Variants in FGF13 observed in about 807,000 individuals in gnomAD.
FGF13 encodes fibroblast growth factor homologous factor 2.
FGF13 carries 2 observed loss-of-function variants against 19.5 expected under a neutral mutation model. That is an observed-to-expected ratio of 0.10 (90% CI 0.04 to 0.32). FGF13 has a LOEUF of 0.32. Among genes scored for constraint, FGF13 ranks in the 10% least tolerant of loss-of-function variants. The pLI, the probability that FGF13 is intolerant of heterozygous loss-of-function variation, is 1.00. For missense variants in FGF13, 113 were observed against 192.7 expected (o/e 0.59, Z 2.45); for synonymous variants, 72 against 76.9 (o/e 0.94, Z 0.33).
intron 3 of FGF13, among the ~76,000 whole-genome samples, chrX:138,692,350 T>C (rs189166827): frequency 1.0e-4 from 11 of 109,827 alleles, no homozygotes; most frequent in African/African-American, 3.6e-4. Flanking sequence ...ACTATTTCAA[T>C]GCACAAGGTT....
chrX:138,904,670 G>C (rs1459936035), intron 1 of FGF13, among the ~76,000 whole-genome samples: 2 of 111,446 alleles, frequency 1.8e-5, no homozygotes, highest in Non-Finnish European at 3.8e-5. Context: ...AAGTTGCTTG[G>C]CCTGTGGTAG....
chrX:138,909,659 G>A (rs1427042977), intron 1 of FGF13, among the ~76,000 whole-genome samples: 1 of 111,734 alleles, frequency 8.9e-6, no homozygotes, highest in Non-Finnish European at 1.9e-5. Context: ...AAGAGCAGCG[G>A]GATTACTAAT....
chrX:139,064,281 CTTTTTTTT>C (rs139084376), intron 1 of FGF13, among the ~76,000 whole-genome samples: 1 of 23,159 alleles, frequency 4.3e-5, no homozygotes, highest in African/African-American at 2.2e-4. Context: ...CTTTTTTTTT[CTTTTTTTT>C]TTTTTTTTTT....
In FGF13 at chrX:139,195,281, C is replaced by T. The variant is rs148029012; in HGVS notation, c.-113+8135G>A. 3.4e-3 allele frequency among the ~76,000 whole-genome samples: 379 copies of T among 111,414 alleles called. 1 individual carries two copies. Among genetic ancestry groups the T allele is most frequent in the African/African-American group, 0.011 (348 of 30,563 alleles). ...ATGGCTCACATTGTTCCCAGAGCTC[C>T]GAAAATCACTCACAAATTCAAGAGC... is the stretch of plus-strand genomic sequence containing the variant. On this transcript the variant is annotated intron_variant, in intron 1 of 2. Coordinates refer to the FGF13 transcript ENST00000421460.
At chrX:138,655,908 C>T (rs963295878) in intron 3 of FGF13, among the ~76,000 whole-genome samples, 3 of 111,341 alleles carry the variant, frequency 2.7e-5, no homozygotes, top group African/African-American at 9.8e-5. Context: ...TTGGGGACTT[C>T]TCTGTAGGAA....
chrX:138,790,071 CA>C (rs1486478675), intron 3 of FGF13, among the ~76,000 whole-genome samples: 20 of 66,949 alleles, frequency 3.0e-4, no homozygotes, highest in African/African-American at 1.1e-3. Context: ...AAAAAAAAAA[CA>C]AACACACACA....
At chrX:138,828,384 C>A (rs1185328916) in intron 3 of FGF13, among the ~76,000 whole-genome samples, 2 of 109,470 alleles carry the variant, frequency 1.8e-5, no homozygotes, top group African/African-American at 6.6e-5. Flanking sequence ...CTGGCTAACA[C>A]GGTGAAACCC....
At chrX:139,005,197 C>A (rs1373105337) in intron 1 of FGF13, among the ~76,000 whole-genome samples, 1 of 53,208 alleles carries the variant, frequency 1.9e-5, no homozygotes, top group Non-Finnish European at 4.6e-5. Context: ...GTCACTGCCC[C>A]CCCCCCCCCC....
intron 1 of FGF13, among the ~76,000 whole-genome samples, chrX:139,100,298 T>C: frequency 9.1e-6 from 1 of 110,173 alleles, no homozygotes; most frequent in East Asian, 2.9e-4. Flanking sequence ...CTATCAAATA[T>C]GTACCTCAGG....
At chrX:138,697,304 G>A (rs1313517187) in intron 3 of FGF13, among the ~76,000 whole-genome samples, 7 of 110,827 alleles carry the variant, frequency 6.3e-5, no homozygotes, top group Non-Finnish European at 9.4e-5. Context: ...GAGAAGAAAC[G>A]GTAAATTTAA....
intron 1 of FGF13, among the ~76,000 whole-genome samples, chrX:139,047,508 A>T (rs1229636744): frequency 4.5e-5 from 5 of 111,316 alleles, no homozygotes; most frequent in Non-Finnish European, 7.5e-5. Context: ...ACTAACTCGT[A>T]TACTCTCTTA....
intron 1 of FGF13, among the ~76,000 whole-genome samples, chrX:138,882,075 T>A (rs1165654999): frequency 9.0e-6 from 1 of 111,105 alleles, no homozygotes; most frequent in Non-Finnish European, 1.9e-5. Flanking sequence ...CTTTGCTATA[T>A]CCCATAAGTT....
intron 3 of FGF13, among the ~76,000 whole-genome samples, chrX:138,777,419 A>G (rs2090596295): frequency 8.9e-6 from 1 of 111,797 alleles, no homozygotes; most frequent in Non-Finnish European, 1.9e-5. Flanking sequence ...GGAAACAGCA[A>G]CCAGGGGATT....
Position 138,615,179 on chromosome X carries a change from GCA to G in FGF13, c.*17669_*17670del, listed in dbSNP as rs767084452. 3.7e-5 allele frequency: 4 copies of G among 108,777 alleles called. No individual in the cohort carries two copies. The highest frequency in any genetic ancestry group is 3.0e-4 in the Admixed American group (3 of 10,140). 9.0% of individuals were successfully genotyped at this position (108,777 alleles called of 1,213,427 possible). On this transcript the variant is annotated 3_prime_UTR_variant, in exon 5 of 5. Transcript: ENST00000315930. ...TAGACCTACACACATAAACGTGCACGCACACACACACACACATACAAATTAGT... is the reference window on the plus strand; with the variant it reads ...TAGACCTACACACATAAACGTGCACGCACACACACACACATACAAATTAGT...
chrX:138,906,408 T>C (rs1486211550), intron 1 of FGF13, among the ~76,000 whole-genome samples: 1 of 112,174 alleles, frequency 8.9e-6, no homozygotes, highest in Non-Finnish European at 1.9e-5. Context: ...TCATTCAACA[T>C]ATATTTCCTG....
chrX:138,851,754 A>C (rs1331377933), intron 3 of FGF13, among the ~76,000 whole-genome samples: 2 of 111,920 alleles, frequency 1.8e-5, no homozygotes, highest in South Asian at 3.7e-4. Context: ...AGTGTATTCA[A>C]ATAGGAAGAG....
At chrX:139,071,099 G>A (rs778944898) in intron 1 of FGF13, among the ~76,000 whole-genome samples, 1 of 111,010 alleles carries the variant, frequency 9.0e-6, no homozygotes, top group Non-Finnish European at 1.9e-5. Flanking sequence ...TGCTCATTCT[G>A]CACATGTACC....
At chrX:139,029,537 T>C (rs1170571772) in intron 1 of FGF13, among the ~76,000 whole-genome samples, 1 of 111,935 alleles carries the variant, frequency 8.9e-6, no homozygotes, top group Non-Finnish European at 1.9e-5. Flanking sequence ...TGGCCACTTG[T>C]TTAGACTTCA....
chrX:138,721,473 C>T (rs972360107), intron 1 of FGF13, among the ~76,000 whole-genome samples: 7 of 111,616 alleles, frequency 6.3e-5, no homozygotes, highest in African/African-American at 2.3e-4. Context: ...GGAAATTTAG[C>T]TATCAACTCT....
Sources: gnomAD v4.1 joint callset for allele counts (sites outside exome capture counted in the v4.1 genomes callset) on GRCh38, gnomAD v4.1.1 for gene constraint, MANE v1.5 for transcripts, NCBI Gene and HGNC (gene_info 2026-07-23, HGNC 2026-07-21) for gene names.